The following ADAMTS18 variants were observed in gnomAD, a reference collection of about 807,000 sequenced individuals.
ADAMTS18 encodes ADAM metallopeptidase with thrombospondin type 1 motif 18.
A neutral mutation model predicts 165.9 loss-of-function variants in ADAMTS18; 157 were observed. That is an observed-to-expected ratio of 0.95 (90% CI 0.83 to 1.08). ADAMTS18 has a LOEUF of 1.08. ADAMTS18 is among the 50% of genes least tolerant of loss of function. The pLI is 0.00. For missense variants in ADAMTS18, 2,040 were observed against 1,534.0 expected (o/e 1.33, Z -5.51); for synonymous variants, 782 against 578.2 (o/e 1.35, Z -5.06).
intron 6 of ADAMTS18, among the ~76,000 whole-genome samples, chr16:77,363,336 C>T (rs907508539): frequency 6.6e-6 from 1 of 152,016 alleles, no homozygotes; most frequent in African/African-American, 2.4e-5. Flanking sequence ...AGTAGGTTTA[C>T]TACAATAATT....
chr16:77,395,090 G>A (rs766358131), intron 3 of ADAMTS18, among the ~76,000 whole-genome samples: 27 of 152,186 alleles, frequency 1.8e-4, no homozygotes, highest in Non-Finnish European at 3.8e-4. Flanking sequence ...GGTCCAAGGA[G>A]GTCTAAGGAA....
At chr16:77,387,770 G>A (rs1597210934) in intron 3 of ADAMTS18, among the ~76,000 whole-genome samples, 1 of 152,166 alleles carries the variant, frequency 6.6e-6, no homozygotes, top group African/African-American at 2.4e-5. Flanking sequence ...AACTGAGATG[G>A]CAGCCAATGT....
At chr16:77,425,736 G>C (rs1035410626) in intron 3 of ADAMTS18, among the ~76,000 whole-genome samples, 4 of 152,106 alleles carry the variant, frequency 2.6e-5, no homozygotes, top group Admixed American at 2.0e-4. Flanking sequence ...GTTGATGGAA[G>C]TGTGGTTCAA....
intron 20 of ADAMTS18, among the ~76,000 whole-genome samples, chr16:77,291,870 T>G (rs964152588): frequency 6.6e-6 from 1 of 152,144 alleles, no homozygotes; most frequent in African/African-American, 2.4e-5. Context: ...GAATCTGAGT[T>G]GAAGAGGGTA....
intron 13 of ADAMTS18, among the ~76,000 whole-genome samples, chr16:77,323,268 T>C (rs1357150873): frequency 6.6e-6 from 1 of 152,138 alleles, no homozygotes; most frequent in Non-Finnish European, 1.5e-5. Flanking sequence ...TTGAGCGATA[T>C]CCCTAACAAC....
chr16:77,390,515 T>TTTAGTAGAGACCA (rs2057171124), intron 3 of ADAMTS18, among the ~76,000 whole-genome samples: 1 of 151,828 alleles, frequency 6.6e-6, no homozygotes, highest in African/African-American at 2.4e-5. Context: ...AATGGTGAAA[T>TTTAGTAGAGACCA]GCCGTCTCTA....
intron 3 of ADAMTS18, among the ~76,000 whole-genome samples, chr16:77,369,053 C>A (rs1371575328): frequency 6.6e-6 from 1 of 152,210 alleles, no homozygotes; most frequent in Non-Finnish European, 1.5e-5. Context: ...AAAGTGTAAT[C>A]TGCAGACTAG....
At chr16:77,414,387 C>T (rs2057503227) in intron 3 of ADAMTS18, among the ~76,000 whole-genome samples, 1 of 152,276 alleles carries the variant, frequency 6.6e-6, no homozygotes, top group Non-Finnish European at 1.5e-5. Context: ...ATAAAATGCA[C>T]ACTGGACTCT....
chr16:77,407,417 C>A (rs1465726974), intron 3 of ADAMTS18, among the ~76,000 whole-genome samples: 1 of 151,856 alleles, frequency 6.6e-6, no homozygotes, highest in East Asian at 1.9e-4. Flanking sequence ...CAATGCAGTC[C>A]AAATAAATAC....
At chr16:77,348,999 T>C (rs909334588) in intron 10 of ADAMTS18, among the ~76,000 whole-genome samples, 4 of 151,790 alleles carry the variant, frequency 2.6e-5, no homozygotes, top group Non-Finnish European at 4.4e-5. Context: ...TCAACATCAC[T>C]GGAGCGTAAG....
At chr16:77,336,926 G>A (rs940471446) in intron 11 of ADAMTS18, among the ~76,000 whole-genome samples, 3 of 152,294 alleles carry the variant, frequency 2.0e-5, no homozygotes, top group South Asian at 2.1e-4. Flanking sequence ...ACCATGCCAG[G>A]TTTTGCTGAG....
At chr16:77,343,854 A>G (rs2056435478) in intron 10 of ADAMTS18, among the ~76,000 whole-genome samples, 1 of 152,184 alleles carries the variant, frequency 6.6e-6, no homozygotes, top group African/African-American at 2.4e-5. Flanking sequence ...GGCACATTCT[A>G]TTTCCAAAGA....
At chr16:77,290,243 C>A (rs375805517) in intron 21 of ADAMTS18, among the ~76,000 whole-genome samples, 4 of 152,100 alleles carry the variant, frequency 2.6e-5, no homozygotes, top group African/African-American at 7.2e-5. Context: ...TATAGGCATA[C>A]GGCCTCTGTT....
intron 7 of ADAMTS18, among the ~76,000 whole-genome samples, chr16:77,359,783 T>A (rs1309008601): frequency 6.6e-6 from 1 of 152,186 alleles, no homozygotes; most frequent in Non-Finnish European, 1.5e-5. Flanking sequence ...ACGGATAGAA[T>A]GATAGCAAAA....
At chr16:77,364,997 T>C (rs925007858) in intron 4 of ADAMTS18, among the ~76,000 whole-genome samples, 5 of 152,030 alleles carry the variant, frequency 3.3e-5, no homozygotes, top group Admixed American at 6.6e-5. Context: ...TCCTAGCTAC[T>C]TGGGAGGCTG....
intron 12 of ADAMTS18, among the ~76,000 whole-genome samples, chr16:77,328,944 C>G (rs1440213134): frequency 6.6e-6 from 1 of 152,190 alleles, no homozygotes; most frequent in Non-Finnish European, 1.5e-5. Context: ...GAGACGAGCT[C>G]AAGCTCAGGC....
At chr16:77,285,365 G>T (rs1403439800) in intron 22 of ADAMTS18, among the ~76,000 whole-genome samples, 1 of 151,640 alleles carries the variant, frequency 6.6e-6, no homozygotes, top group Non-Finnish European at 1.5e-5. Flanking sequence ...TAGAGATGGG[G>T]TTTCACCATG....
At chr16:77,421,160 G>A (rs1343650485) in intron 3 of ADAMTS18, among the ~76,000 whole-genome samples, 1 of 152,190 alleles carries the variant, frequency 6.6e-6, no homozygotes, top group Non-Finnish European at 1.5e-5. Flanking sequence ...AAGCTCAGCA[G>A]CATGAAAAAG....
At chr16:77,403,575 A>G (rs996711998) in intron 3 of ADAMTS18, among the ~76,000 whole-genome samples, 3 of 152,200 alleles carry the variant, frequency 2.0e-5, no homozygotes, top group East Asian at 1.9e-4. Flanking sequence ...TGCCCTCTGA[A>G]TATCTCTGCC....
Sources: allele counts gnomAD v4.1 joint callset (sites outside exome capture counted in the v4.1 genomes callset), GRCh38; gene constraint gnomAD v4.1.1; transcripts MANE v1.5; gene names NCBI Gene and HGNC (gene_info 2026-07-23, HGNC 2026-07-21).